The following INTS15 variants were observed in gnomAD, a reference collection of about 807,000 sequenced individuals.
INTS15 encodes the protein uncharacterized protein C7orf26.
chr7:6,594,645 T>C, the INTS15 span: 1 of 1,586,874 alleles, frequency 6.3e-7, no homozygotes. Context: ...CTTCAGTCAA[T>C]GGCTAGTTTT....
At chr7:6,601,344 G>A in the INTS15 span, among the ~76,000 whole-genome samples, 3 of 151,946 alleles carry the variant, frequency 2.0e-5, no homozygotes, top group African/African-American at 7.2e-5. Flanking sequence ...TGCCCAGGCT[G>A]GAGTGCAGTG....
chr7:6,596,193 C>G, the INTS15 span, among the ~76,000 whole-genome samples: 1 of 151,398 alleles, frequency 6.6e-6, no homozygotes, highest in Non-Finnish European at 1.5e-5. Flanking sequence ...CTAGCTGGGA[C>G]TACAGGCGCG....
chr7:6,594,379 C>T, the INTS15 span: 358 of 1,579,754 alleles, frequency 2.3e-4, 3 homozygotes, highest in African/African-American at 4.3e-3. Flanking sequence ...TGCATAGTTG[C>T]TGGTCTACTC....
the INTS15 span, chr7:6,590,550 G>C: frequency 1.4e-6 from 2 of 1,413,220 alleles, no homozygotes; most frequent in Non-Finnish European, 1.8e-6. Context: ...ATGCAGGGCT[G>C]TGTCAAGCCG....
chr7:6,599,795 A>G, the INTS15 span: 2 of 1,597,082 alleles, frequency 1.3e-6, no homozygotes, highest in Admixed American at 1.7e-5. Context: ...CTCGAGGCCA[A>G]GAGTGCTCCT....
At chr7:6,608,273 C>T in the INTS15 span, 157 of 1,473,056 alleles carry the variant, frequency 1.1e-4, no homozygotes, top group African/African-American at 1.9e-3. Context: ...AGCCCCTCCC[C>T]GCCGGCAGAA....
At chr7:6,592,648 A>T in the INTS15 span, among the ~76,000 whole-genome samples, 2 of 147,450 alleles carry the variant, frequency 1.4e-5, no homozygotes, top group South Asian at 2.1e-4. Flanking sequence ...TCAGTCTGTC[A>T]CCCAGGGTGG....
chr7:6,604,479 T>TG, the INTS15 span, among the ~76,000 whole-genome samples: 2 of 151,954 alleles, frequency 1.3e-5, no homozygotes, highest in East Asian at 3.9e-4. Context: ...AAAGTGAGCT[T>TG]GGTGGGGTTA....
the INTS15 span, chr7:6,608,605 T>C: frequency 1.2e-6 from 1 of 825,692 alleles, no homozygotes; most frequent in Non-Finnish European, 1.5e-6. Context: ...CACAAGCTTA[T>C]GTGCAGCACT....
chr7:6,590,168 C>T, the INTS15 span: 21 of 887,782 alleles, frequency 2.4e-5, no homozygotes, highest in East Asian at 5.5e-4. Flanking sequence ...GGCAAGCGGG[C>T]GGGTGCCGCA....
At chr7:6,593,996 T>C in the INTS15 span, among the ~76,000 whole-genome samples, 72 of 138,236 alleles carry the variant, frequency 5.2e-4, no homozygotes, top group East Asian at 0.011. Flanking sequence ...AGTGTAAGCC[T>C]TTAACTTTTT....
At chr7:6,600,428 TG>T in the INTS15 span, 1 of 1,432,374 alleles carries the variant, frequency 7.0e-7, no homozygotes. Flanking sequence ...GAGGGGCTCC[TG>T]GACAGACACT....
chr7:6,594,451 A>C, the INTS15 span: 3 of 1,613,856 alleles, frequency 1.9e-6, no homozygotes, highest in South Asian at 1.1e-5. Context: ...CCCGTGGTTT[A>C]CTGTGTGAGG....
the INTS15 span, among the ~76,000 whole-genome samples, chr7:6,599,633 G>A: frequency 2.0e-5 from 3 of 152,188 alleles, no homozygotes; most frequent in African/African-American, 7.2e-5. Flanking sequence ...ATGTGACAGT[G>A]ACTGAGATGA....
At chr7:6,600,009 A>T in the INTS15 span, 1 of 1,614,182 alleles carries the variant, frequency 6.2e-7, no homozygotes, top group Non-Finnish European at 8.5e-7. Context: ...CCCCTGGCTT[A>T]TAAAAGGAAA....
the INTS15 span, chr7:6,608,408 C>T: frequency 1.4e-6 from 2 of 1,381,038 alleles, no homozygotes; most frequent in Admixed American, 3.3e-5. Flanking sequence ...TTAAAAGATG[C>T]CGATCCTGGG....
the INTS15 span, chr7:6,590,263 G>T: frequency 4.0e-6 from 6 of 1,495,300 alleles, no homozygotes; most frequent in South Asian, 1.2e-5. Flanking sequence ...CGCTCGGCGC[G>T]GGGGCCGCGG....
the INTS15 span, among the ~76,000 whole-genome samples, chr7:6,592,064 A>T: frequency 6.6e-6 from 1 of 152,004 alleles, no homozygotes; most frequent in Non-Finnish European, 1.5e-5. Flanking sequence ...CCAGCTACTC[A>T]GGAGGCTGAG....
the INTS15 span, chr7:6,594,372 A>G: frequency 3.3e-5 from 51 of 1,550,594 alleles, no homozygotes; most frequent in Non-Finnish European, 4.5e-5. Context: ...CTGTGTGTGC[A>G]TAGTTGCTGG....
Sources: gnomAD v4.1 joint callset for allele counts (sites outside exome capture counted in the v4.1 genomes callset) on GRCh38, gnomAD v4.1.1 for gene constraint, MANE v1.5 for transcripts, NCBI Gene and HGNC (gene_info 2026-07-23, HGNC 2026-07-21) for gene names.